The following RTL4 variants were observed in gnomAD, a reference collection of about 807,000 sequenced individuals.
The protein encoded by RTL4 is retrotransposon Gag like 4.
RTL4 carries 4 observed loss-of-function variants against 5.3 expected under a neutral mutation model. The ratio of observed to expected loss-of-function variants is 0.75; its 90% CI spans 0.37 to 1.72. The LOEUF (loss-of-function observed/expected upper bound fraction) is 1.72. Among genes scored for constraint, RTL4 ranks in the 40% most tolerant of loss-of-function variants. The pLI is 0.04. For missense variants in RTL4, 260 were observed against 227.1 expected, an observed-to-expected ratio of 1.14 and a Z score of -0.93; for synonymous variants, 98 against 87.3, an observed-to-expected ratio of 1.12 and a Z score of -0.68.
chrX:112,333,941 A>G, the RTL4 span, among the ~76,000 whole-genome samples: 1 of 53,653 alleles, frequency 1.9e-5, no homozygotes, highest in South Asian at 9.0e-4. Context: ...ACCTCCCCCC[A>G]CAAACACCCC....
the RTL4 span, among the ~76,000 whole-genome samples, chrX:112,226,971 T>TAATAA: frequency 5.3e-3 from 395 of 74,918 alleles, 2 homozygotes; most frequent in African/African-American, 0.011. Context: ...TAAAATAAAA[T>TAATAA]AATAAAATAA....
chrX:112,246,166 C>T, the RTL4 span, among the ~76,000 whole-genome samples: 2,768 of 112,147 alleles, frequency 0.025, 35 homozygotes, highest in Non-Finnish European at 0.041. Context: ...TTAGGGCACA[C>T]GGGGGTCAGG....
the RTL4 span, among the ~76,000 whole-genome samples, chrX:112,108,205 T>C: frequency 8.9e-6 from 1 of 112,153 alleles, no homozygotes; most frequent in Non-Finnish European, 1.9e-5. Flanking sequence ...ACCTACTGTT[T>C]TCCTCATTTC....
the RTL4 span, among the ~76,000 whole-genome samples, chrX:112,364,896 CA>C: frequency 8.9e-6 from 1 of 111,824 alleles, no homozygotes; most frequent in Non-Finnish European, 1.9e-5. Context: ...TTCAATTCAA[CA>C]AATATTTAGT....
chrX:112,152,113 G>A, the RTL4 span, among the ~76,000 whole-genome samples: 4 of 111,218 alleles, frequency 3.6e-5, no homozygotes, highest in Non-Finnish European at 7.6e-5. Context: ...AAATGAGAGG[G>A]CTACCTTCAG....
the RTL4 span, among the ~76,000 whole-genome samples, chrX:112,180,644 C>A: frequency 5.4e-5 from 6 of 111,864 alleles, no homozygotes; most frequent in African/African-American, 1.9e-4. Flanking sequence ...CTTTGAGGAC[C>A]TTAGTCTTCA....
chrX:112,151,205 G>C, the RTL4 span, among the ~76,000 whole-genome samples: 1 of 112,222 alleles, frequency 8.9e-6, no homozygotes, highest in African/African-American at 3.2e-5. Context: ...ATCAGTGCAC[G>C]GTCTCACAGA....
the RTL4 span, among the ~76,000 whole-genome samples, chrX:112,370,610 C>T: frequency 1.8e-5 from 2 of 111,282 alleles, no homozygotes; most frequent in Non-Finnish European, 3.8e-5. Flanking sequence ...GGGGGAGGCA[C>T]CATTGTCCCT....
At chrX:112,098,107 C>A in the RTL4 span, among the ~76,000 whole-genome samples, 1 of 83,396 alleles carries the variant, frequency 1.2e-5, no homozygotes, top group East Asian at 4.9e-4. Flanking sequence ...TATCTCTCCC[C>A]CCTCCCCCCA....
the RTL4 span, among the ~76,000 whole-genome samples, chrX:112,107,800 C>A: frequency 9.0e-6 from 1 of 111,497 alleles, no homozygotes; most frequent in Admixed American, 9.6e-5. Flanking sequence ...CTTTTTTTGA[C>A]TGAAACTGAT....
the RTL4 span, among the ~76,000 whole-genome samples, chrX:112,092,514 C>T: frequency 9.0e-6 from 1 of 111,707 alleles, no homozygotes; most frequent in Non-Finnish European, 1.9e-5. Context: ...AAATGTTAAA[C>T]CATCAGTTCA....
chrX:112,284,952 A>G, the RTL4 span, among the ~76,000 whole-genome samples: 1 of 109,783 alleles, frequency 9.1e-6, no homozygotes, highest in Non-Finnish European at 1.9e-5. Context: ...ACATTTTCTC[A>G]AAACGTCCAG....
At chrX:112,384,322 A>G in the RTL4 span, among the ~76,000 whole-genome samples, 2 of 111,622 alleles carry the variant, frequency 1.8e-5, no homozygotes, top group Non-Finnish European at 3.8e-5. Flanking sequence ...GTTTTCTTCT[A>G]TGGTTTTTAT....
chrX:112,269,441 T>G, the RTL4 span, among the ~76,000 whole-genome samples: 1 of 111,471 alleles, frequency 9.0e-6, no homozygotes, highest in African/African-American at 3.3e-5. Flanking sequence ...CTTTTTGCTC[T>G]AAATCACACT....
chrX:112,138,832 C>G, the RTL4 span, among the ~76,000 whole-genome samples: 67 of 111,517 alleles, frequency 6.0e-4, no homozygotes, highest in African/African-American at 1.9e-3. Flanking sequence ...CCAAGTTTTC[C>G]TAATGTTAAC....
chrX:112,198,999 C>T, the RTL4 span, among the ~76,000 whole-genome samples: 1 of 110,679 alleles, frequency 9.0e-6, no homozygotes, highest in African/African-American at 3.3e-5. Context: ...GATATAAAGA[C>T]CTGAAGCAGG....
chrX:112,427,104 T>C, the RTL4 span, among the ~76,000 whole-genome samples: 1 of 111,289 alleles, frequency 9.0e-6, no homozygotes, highest in Non-Finnish European at 1.9e-5. Context: ...ACAGCATTAC[T>C]CTAATATTAA....
chrX:112,121,095 G>C, the RTL4 span, among the ~76,000 whole-genome samples: 3,434 of 111,597 alleles, frequency 0.031, 151 homozygotes, highest in African/African-American at 0.11. Context: ...CATGACACAG[G>C]TTTACCTATA....
At chrX:112,202,949 A>AT in the RTL4 span, among the ~76,000 whole-genome samples, 1 of 111,256 alleles carries the variant, frequency 9.0e-6, no homozygotes, top group Non-Finnish European at 1.9e-5. Flanking sequence ...CTATTTTTCA[A>AT]TTTTTGTCAT....
Sources: gnomAD v4.1 joint callset for allele counts (sites outside exome capture counted in the v4.1 genomes callset) on GRCh38, gnomAD v4.1.1 for gene constraint, MANE v1.5 for transcripts, NCBI Gene and HGNC (gene_info 2026-07-23, HGNC 2026-07-21) for gene names.